CLVS1: variants seen among roughly 807,000 people sequenced by gnomAD.
The protein encoded by CLVS1 is clavesin-1.
A neutral mutation model predicts 33.1 loss-of-function variants in CLVS1; 10 were observed. The ratio of observed to expected loss-of-function variants is 0.30; its 90% confidence interval spans 0.19 to 0.51. The LOEUF (loss-of-function observed/expected upper bound fraction) is 0.51. Ranked by LOEUF, CLVS1 falls within the 20% of genes least tolerant of loss-of-function variation. The probability of loss-of-function intolerance (pLI) is 0.97; values close to 1 mark genes in which losing one functional copy is unlikely to be tolerated. For missense variants in CLVS1, 343 were observed against 433.4 expected (o/e 0.79, Z 1.85); for synonymous variants, 163 against 166.1 (o/e 0.98, Z 0.14).
the CLVS1 span, among the ~76,000 whole-genome samples, chr8:60,975,447 C>T: frequency 1.3e-5 from 2 of 152,106 alleles, no homozygotes; most frequent in South Asian, 2.1e-4. Context: ...ATATCCCTAT[C>T]AGTCAGAGAC....
chr8:61,357,489 C>CTTTTATTTATTTTTTTTT (rs1462908906), intron 2 of CLVS1, among the ~76,000 whole-genome samples: 1 of 30,284 alleles, frequency 3.3e-5, no homozygotes, highest in Non-Finnish European at 7.4e-5. Context: ...TTTCCTTTTT[C>CTTTTATTTATTTTTTTTT]TTTTCTTTTT....
At chr8:61,270,359 G>A (rs1176663348) in intron 2 of CLVS1, among the ~76,000 whole-genome samples, 2 of 152,206 alleles carry the variant, frequency 1.3e-5, no homozygotes, top group East Asian at 1.9e-4. Flanking sequence ...TCCAAGGGAT[G>A]AAGCCCACTG....
At chr8:60,998,258 A>G in the CLVS1 span, among the ~76,000 whole-genome samples, 2 of 152,104 alleles carry the variant, frequency 1.3e-5, no homozygotes, top group African/African-American at 2.4e-5. Context: ...TCAATGCTGG[A>G]GGGCTGGCTG....
chr8:61,063,271 GAGAGAGAGAGAGAGAGAGAGAGAT>G (rs372920312), intron 1 of CLVS1, among the ~76,000 whole-genome samples: 1,331 of 132,518 alleles, frequency 0.01, 26 homozygotes, highest in African/African-American at 0.044. Flanking sequence ...GAGAGAGAGA[GAGAGAGAGAGAGAGAGAGAGAGAT>G]AGAGAGAGAG....
chr8:61,064,895 G>T (rs900019560), intron 1 of CLVS1, among the ~76,000 whole-genome samples: 3 of 152,170 alleles, frequency 2.0e-5, no homozygotes, highest in Admixed American at 1.3e-4. Context: ...TAGAGACAGG[G>T]TTTCACCAAG....
chr8:61,211,441 C>T lies in CLVS1; in HGVS notation c.-152+79581C>T, dbSNP rs373941373. On this transcript the variant is annotated intron_variant, in intron 2 of 2. Coordinates refer to the CLVS1 transcript ENST00000522621. The stretch of plus-strand genomic sequence containing the variant: ...TACTCTTCCTTCTCCTCCTGTTCTT[C>T]CTGCTTCTCCTCCTCTCCTTTTCCT... Among the ~76,000 whole-genome samples the T allele has an allele frequency of 3.1e-4, 47 of 151,374 alleles. 1 individual carries two copies. The highest frequency in any genetic ancestry group is 1.1e-3 in the African/African-American group (45 of 41,216).
chr8:61,110,284 A>G (rs775263293), intron 1 of CLVS1, among the ~76,000 whole-genome samples: 94 of 152,264 alleles, frequency 6.2e-4, no homozygotes, highest in South Asian at 1.5e-3. Context: ...CTGACAACCC[A>G]GGCTGTAGCT....
intron 2 of CLVS1, among the ~76,000 whole-genome samples, chr8:61,241,012 G>A (rs1052913801): frequency 3.3e-5 from 5 of 151,524 alleles, no homozygotes; most frequent in African/African-American, 1.2e-4. Context: ...TCTGGAGGCT[G>A]GGAAGTCTAA....
intron 1 of CLVS1, among the ~76,000 whole-genome samples, chr8:61,088,869 T>G (rs1459718786): frequency 6.6e-6 from 1 of 151,602 alleles, no homozygotes; most frequent in Non-Finnish European, 1.5e-5. Flanking sequence ...TGGAGAGATC[T>G]CGGCTCACTG....
At chr8:61,090,718 C>T (rs191482321) in intron 1 of CLVS1, among the ~76,000 whole-genome samples, 1 of 152,322 alleles carries the variant, frequency 6.6e-6, no homozygotes, top group Non-Finnish European at 1.5e-5. Flanking sequence ...CTATGCATAT[C>T]CCACTATTGT....
At chr8:61,219,834 C>A (rs201136134) in intron 2 of CLVS1, among the ~76,000 whole-genome samples, 1 of 152,218 alleles carries the variant, frequency 6.6e-6, no homozygotes, top group African/African-American at 2.4e-5. Context: ...TTTTAATAAT[C>A]GTCATTCTGA....
chr8:61,207,644 A>AATATTCC (rs1181002150), intron 2 of CLVS1, among the ~76,000 whole-genome samples: 3 of 152,184 alleles, frequency 2.0e-5, no homozygotes, highest in African/African-American at 7.2e-5. Context: ...TGTGGCTGAA[A>AATATTCC]ATATTCCAGG....
In CLVS1 at chr8:61,392,702, A is replaced by G. The variant is rs186079136; in HGVS notation, c.630+15923A>G. Among the ~76,000 whole-genome samples the G allele has an allele frequency of 1.9e-4, 29 of 151,878 alleles. No homozygotes were observed. The East Asian group carries it at 5.4e-3, about 28-fold the overall frequency. On this transcript the variant is annotated intron_variant, in intron 3 of 5. Transcript: ENST00000325897. ...GTGAAACACCATCTCCTCTAAAAAT[A>G]CAAGAAAACTAGCTGGGCTTGGTGC...
intron 2 of CLVS1, among the ~76,000 whole-genome samples, chr8:61,206,420 G>C (rs1176985929): frequency 6.6e-6 from 1 of 152,088 alleles, no homozygotes; most frequent in African/African-American, 2.4e-5. Flanking sequence ...AGTTTTTTCT[G>C]TCTGGAGAAA....
intron 1 of CLVS1, among the ~76,000 whole-genome samples, chr8:61,090,026 C>T (rs1805204750): frequency 6.6e-6 from 1 of 152,196 alleles, no homozygotes; most frequent in Non-Finnish European, 1.5e-5. Context: ...CTCCCTAATA[C>T]CTCCTGCTGT....
At chr8:61,403,092 G>A (rs1325415647) in intron 3 of CLVS1, among the ~76,000 whole-genome samples, 1 of 152,210 alleles carries the variant, frequency 6.6e-6, no homozygotes. Context: ...TGGCCTTATT[G>A]AGGTGACATT....
chr8:61,166,021 G>A (rs1158086163), intron 2 of CLVS1, among the ~76,000 whole-genome samples: 1 of 118,484 alleles, frequency 8.4e-6, no homozygotes, highest in African/African-American at 3.1e-5. Flanking sequence ...TTGTGGCTAA[G>A]CATCTAAGCG....
chr8:60,967,834 G>A, the CLVS1 span: 3 of 354,750 alleles, frequency 8.5e-6, no homozygotes, highest in East Asian at 8.1e-5. Context: ...CTCTATCCAC[G>A]GACCAATGAG....
At position 61,500,520 on chromosome 8, in the gene CLVS1, C is replaced by CAAG. The variant is rs1276559168; in HGVS notation, c.*979_*981dup. On this transcript the variant is annotated 3_prime_UTR_variant, in exon 6 of 6. Coordinates refer to ENST00000325897, the MANE Select transcript of CLVS1 (RefSeq NM_173519.3). ...TGACCCATATGGATGGCTAAATATGCAAGTACTGAAGTAAGAGAAGACTAG... is the reference window on the plus strand; with the variant it reads ...TGACCCATATGGATGGCTAAATATGCAAGAAGTACTGAAGTAAGAGAAGACTAG... 1 of 152,154 alleles carries CAAG rather than the reference C, an allele frequency of 6.6e-6. No homozygotes were observed. The highest frequency in any genetic ancestry group is 1.5e-5 in the Non-Finnish European group (1 of 68,040). The allele number at this position is 152,154 out of a possible 1,614,324, so 9.4% of individuals were successfully genotyped here. A position where few individuals can be genotyped will look rare whatever the true frequency, so the allele number is the denominator to read the frequency against.
Sources: allele counts gnomAD v4.1 joint callset (sites outside exome capture counted in the v4.1 genomes callset), GRCh38; gene constraint gnomAD v4.1.1; transcripts MANE v1.5; gene names NCBI Gene and HGNC (gene_info 2026-07-23, HGNC 2026-07-21).